The following RAF1 variants were observed in gnomAD, a reference collection of about 807,000 sequenced individuals.
The protein encoded by RAF1 is Raf-1 proto-oncogene, serine/threonine kinase.
In RAF1, 27 loss-of-function variants were observed where a neutral mutation model predicts 81.1. The observed-to-expected ratio is 0.33, with a 90% confidence interval of 0.25 to 0.46. The LOEUF is 0.46. Among genes scored for constraint, RAF1 ranks in the 20% least tolerant of loss-of-function variants. RAF1 has a pLI of 1.00. For missense variants in RAF1, 598 were observed against 826.0 expected, an observed-to-expected ratio of 0.72 and a Z score of 3.38; for synonymous variants, 298 against 294.0, an observed-to-expected ratio of 1.01 and a Z score of -0.14.
intron 6 of RAF1, among the ~76,000 whole-genome samples, chr3:12,604,915 C>T (rs2125401370): frequency 6.6e-6 from 1 of 152,310 alleles, no homozygotes; most frequent in South Asian, 2.1e-4. Context: ...TCATTATTTG[C>T]TCTAAAGATT....
At chr3:12,662,961 G>GATTA (rs1378302491) in intron 1 of RAF1, among the ~76,000 whole-genome samples, 3 of 152,034 alleles carry the variant, frequency 2.0e-5, no homozygotes, top group African/African-American at 7.3e-5. Flanking sequence ...TTTCCACTTA[G>GATTA]ATTAAGTGAC....
intron 1 of RAF1, among the ~76,000 whole-genome samples, chr3:12,619,724 A>G (rs1346935723): frequency 1.3e-5 from 2 of 152,202 alleles, no homozygotes; most frequent in African/African-American, 4.8e-5. Flanking sequence ...AAAAAAGTGT[A>G]AGCCATAATT....
chr3:12,634,801 C>T (rs1473778359), intron 1 of RAF1, among the ~76,000 whole-genome samples: 3 of 152,106 alleles, frequency 2.0e-5, no homozygotes, highest in Non-Finnish European at 4.4e-5. Context: ...TATATCCTCT[C>T]CCCTTTGGAG....
At position 12,647,571 on chromosome 3, in the gene RAF1, G is replaced by C. The variant is rs929423718; in HGVS notation, c.-27+16242C>G. Among the ~76,000 whole-genome samples the C allele has an allele frequency of 2.6e-5, 4 of 151,904 alleles. No individual in the cohort carries two copies. In the South Asian group the frequency reaches 6.2e-4, roughly 24 times the overall value. ...ATTGTGCCACTGCATTCCAGCCTGG[G>C]CAACAGAGTGAGACCCTGTCTCAAA... On this transcript the variant is annotated intron_variant, in intron 1 of 17. Coordinates refer to ENST00000442415, the MANE Select transcript of RAF1 (RefSeq NM_001354689.3).
At chr3:12,626,315 C>T (rs997293291) in intron 1 of RAF1, among the ~76,000 whole-genome samples, 1 of 150,904 alleles carries the variant, frequency 6.6e-6, no homozygotes, top group Non-Finnish European at 1.5e-5. Context: ...GGCTGGGCAC[C>T]GTGGCTCTCA....
intron 1 of RAF1, among the ~76,000 whole-genome samples, chr3:12,642,305 AAC>A (rs1491243878): frequency 1.2e-3 from 171 of 145,318 alleles, no homozygotes; most frequent in African/African-American, 3.0e-3. Context: ...AAAAAAAAAA[AAC>A]CCCAAAAAAC....
intron 11 of RAF1, among the ~76,000 whole-genome samples, chr3:12,595,392 G>C (rs776940685): frequency 1.3e-4 from 20 of 152,078 alleles, no homozygotes; most frequent in Admixed American, 5.2e-4. Flanking sequence ...CTACTAGTAG[G>C]AACTACCTGG....
chr3:12,656,464 A>C (rs1440772507), intron 1 of RAF1, among the ~76,000 whole-genome samples: 2 of 152,186 alleles, frequency 1.3e-5, no homozygotes, highest in African/African-American at 2.4e-5. Context: ...GTCCTAAGTT[A>C]CAAAGTTCTA....
intron 11 of RAF1, chr3:12,599,272 C>A: frequency 5.7e-6 from 1 of 176,154 alleles, no homozygotes; most frequent in East Asian, 1.4e-4. Flanking sequence ...TCCAGCTTTC[C>A]TATGCCTAAC....
chr3:12,620,217 C>T (rs1252001089), intron 1 of RAF1, among the ~76,000 whole-genome samples: 1 of 152,166 alleles, frequency 6.6e-6, no homozygotes, highest in Admixed American at 6.5e-5. Flanking sequence ...TCTTGGCTCA[C>T]TGAACCTCCC....
At chr3:12,657,312 G>C (rs2060726910) in intron 1 of RAF1, among the ~76,000 whole-genome samples, 1 of 152,168 alleles carries the variant, frequency 6.6e-6, no homozygotes, top group African/African-American at 2.4e-5. Context: ...CACAAAATAG[G>C]ATACATAAGA....
intron 1 of RAF1, among the ~76,000 whole-genome samples, chr3:12,661,622 G>A (rs1396255694): frequency 2.0e-5 from 3 of 151,914 alleles, no homozygotes; most frequent in Non-Finnish European, 4.4e-5. Context: ...AGAACTGCTT[G>A]AACCAAGGAG....
At chr3:12,637,608 G>C (rs746649288) in intron 1 of RAF1, among the ~76,000 whole-genome samples, 1 of 151,886 alleles carries the variant, frequency 6.6e-6, no homozygotes, top group Non-Finnish European at 1.5e-5. Context: ...ACAGTGGCTC[G>C]CAGGAGGCTG....
intron 3 of RAF1, among the ~76,000 whole-genome samples, chr3:12,610,750 C>T (rs1166605711): frequency 4.6e-5 from 7 of 152,158 alleles, no homozygotes; most frequent in Admixed American, 2.0e-4. Context: ...ACATAAGTGA[C>T]GCTTTCCAAG....
intron 1 of RAF1, among the ~76,000 whole-genome samples, chr3:12,655,000 A>AC (rs35380724): frequency 0.093 from 11,902 of 127,834 alleles, 739 homozygotes; most frequent in African/African-American, 0.13. Context: ...ACATAGTGAG[A>AC]CCCCCCCCCC....
At chr3:12,612,109 C>T (rs2125432062) in intron 2 of RAF1, 47 bp from the exon 3 acceptor site, 1 of 1,478,554 alleles carries the variant, frequency 6.8e-7, no homozygotes, top group Non-Finnish European at 9.5e-7. Flanking sequence ...CTGCAGCACC[C>T]CTTGGAAAGG....
chr3:12,586,766 AAAC>A (rs1345886718), intron 14 of RAF1: 1 of 152,200 alleles, frequency 6.6e-6, no homozygotes, highest in African/African-American at 2.4e-5. Context: ...TCTTCTATAA[AAAC>A]AACCCCTCTC....
intron 1 of RAF1, among the ~76,000 whole-genome samples, chr3:12,662,551 A>T (rs1439469557): frequency 6.6e-6 from 1 of 152,022 alleles, no homozygotes; most frequent in Non-Finnish European, 1.5e-5. Context: ...TCTACAACAA[A>T]GACAGCCCCC....
chr3:12,656,777 A>C (rs2060706748), intron 1 of RAF1, among the ~76,000 whole-genome samples: 1 of 152,124 alleles, frequency 6.6e-6, no homozygotes, highest in Admixed American at 6.6e-5. Context: ...CAGGTGGATC[A>C]TCTGCAGTCA....
Sources: gnomAD v4.1 joint callset for allele counts (sites outside exome capture counted in the v4.1 genomes callset) on GRCh38, gnomAD v4.1.1 for gene constraint, MANE v1.5 for transcripts, NCBI Gene and HGNC (gene_info 2026-07-23, HGNC 2026-07-21) for gene names.